Variants in CD163L1 observed in about 807,000 individuals in gnomAD.
CD163L1 encodes scavenger receptor cysteine-rich type 1 protein M160.
Under a neutral mutation model 165.4 loss-of-function variants are expected in CD163L1, and 124 were observed. That is an observed-to-expected ratio of 0.75 (90% confidence interval 0.65 to 0.87). The LOEUF is 0.87. CD163L1 is among the 40% of genes least tolerant of loss of function. CD163L1 has a pLI of 0.00. For missense variants in CD163L1, 1,525 were observed against 1,799.9 expected (o/e 0.85, Z 2.76); for synonymous variants, 585 against 662.2 (o/e 0.88, Z 1.79).
the CD163L1 span, chr12:7,327,232 G>T: frequency 8.8e-7 from 1 of 1,139,028 alleles, no homozygotes; most frequent in East Asian, 2.7e-5. Flanking sequence ...TTAACCCTAA[G>T]AATTTTGCTT....
At chr12:7,384,834 C>T (rs1008137619) in intron 8 of CD163L1, among the ~76,000 whole-genome samples, 1 of 151,688 alleles carries the variant, frequency 6.6e-6, no homozygotes, top group Non-Finnish European at 1.5e-5. Context: ...CATGAAAGCA[C>T]ATGAAAGTAT....
chr12:7,389,960 T>TTATATATA (rs59235889), intron 8 of CD163L1, among the ~76,000 whole-genome samples: 2,366 of 135,852 alleles, frequency 0.017, 30 homozygotes, highest in East Asian at 0.046. Context: ...ATATATATAT[T>TTATATATA]TATATATATA....
chr12:7,357,358 G>T, intron 19 of CD163L1, 22 bp downstream of exon 19: 1 of 1,502,452 alleles, frequency 6.7e-7, no homozygotes, highest in Non-Finnish European at 9.2e-7. Flanking sequence ...AGTTTTAGTA[G>T]GAACAATACT....
the CD163L1 span, chr12:7,324,523 G>T: frequency 9.9e-6 from 16 of 1,613,974 alleles, no homozygotes; most frequent in Non-Finnish European, 1.4e-5. Flanking sequence ...CATTTGAAGT[G>T]GAGAGTGCAC....
chr12:7,398,395 T>G lies in CD163L1; in HGVS notation c.1598A>C (p.Glu533Ala), dbSNP rs1484117266. ...ATCCAGCCAAATAGGTCCTGATGCT[T>G]CTTTAAAATAGGTCATACCAAACAC... is the stretch of plus-strand genomic sequence containing the variant. Reference protein sequence around the residue: ...LHVFGMTYFKEASGPIWLDDV... With the variant: ...LHVFGMTYFKAASGPIWLDDV... Residue 533 changes from glutamate to alanine, a missense_variant, in exon 7 of 20, where the codon GAA (glutamate) becomes GCA (alanine). Coordinates refer to ENST00000313599, the MANE Select transcript of CD163L1 (RefSeq NM_174941.6). This position sits in a 1 kb window ranked among gnomAD's most constrained non-coding sequence, Gnocchi z 4.5. 1 of 1,614,132 alleles carries G rather than the reference T, an allele frequency of 6.2e-7. No individual in the cohort carries two copies. Among genetic ancestry groups the G allele is most frequent in the Non-Finnish European group, 8.5e-7 (1 of 1,180,016 alleles).
At chr12:7,341,246 T>C in the CD163L1 span, among the ~76,000 whole-genome samples, 690 of 152,278 alleles carry the variant, frequency 4.5e-3, 3 homozygotes, top group Non-Finnish European at 7.1e-3. Flanking sequence ...CTGTTTGTTA[T>C]GTAAGATAAA....
chr12:7,328,142 T>C, the CD163L1 span: 1 of 553,434 alleles, frequency 1.8e-6, no homozygotes. Context: ...CAGACGTTTC[T>C]GGTGTCCATG....
At chr12:7,427,169 C>T (rs760861704) in intron 4 of CD163L1, among the ~76,000 whole-genome samples, 6 of 148,742 alleles carry the variant, frequency 4.0e-5, no homozygotes, top group East Asian at 2.0e-4. Flanking sequence ...AAGGAAATAG[C>T]GGACTTGAAC....
At chr12:7,391,486 C>T (rs906826174) in intron 8 of CD163L1, among the ~76,000 whole-genome samples, 12 of 152,178 alleles carry the variant, frequency 7.9e-5, no homozygotes, top group Admixed American at 4.6e-4. Flanking sequence ...AAAGGTTAGA[C>T]GAATGGCTAA....
the CD163L1 span, among the ~76,000 whole-genome samples, chr12:7,331,492 G>T: frequency 6.6e-6 from 1 of 152,202 alleles, no homozygotes; most frequent in East Asian, 1.9e-4. Context: ...CTCCTCAAGT[G>T]GGTCCCTGAC....
Position 7,367,195 on chromosome 12 carries a change from C to G in CD163L1, c.4279+41G>C, listed in dbSNP as rs1947041156. 5 of 1,260,176 alleles carry G rather than the reference C, an allele frequency of 4.0e-6. No individual in the cohort carries two copies. The Admixed American group carries it at 8.9e-5, about 22-fold the overall frequency. The allele number at this position is 1,260,176 out of a possible 1,614,324, so 78.1% of individuals were successfully genotyped here. Reference sequence around the variant, plus strand: ...ATATCAGCGGTATTTCCTCATATTCCCACCCTCTCCATGGAGTGCGGCCCC... The same window carrying G: ...ATATCAGCGGTATTTCCTCATATTCGCACCCTCTCCATGGAGTGCGGCCCC... On this transcript the variant is annotated intron_variant, in intron 18 of 19. Coordinates refer to ENST00000313599, the MANE Select transcript of CD163L1 (RefSeq NM_174941.6).
At chr12:7,327,211 T>G in the CD163L1 span, 1 of 1,245,900 alleles carries the variant, frequency 8.0e-7, no homozygotes, top group African/African-American at 1.5e-5. Flanking sequence ...AGAAGACACT[T>G]TTCAATTTGT....
chr12:7,323,497 A>T, the CD163L1 span: 1 of 1,613,934 alleles, frequency 6.2e-7, no homozygotes, highest in Admixed American at 1.7e-5. Flanking sequence ...CACCTGGCAA[A>T]GAAGGGGAAA....
At chr12:7,407,947 C>G (rs919233293) in intron 4 of CD163L1, among the ~76,000 whole-genome samples, 7 of 151,926 alleles carry the variant, frequency 4.6e-5, no homozygotes, top group Non-Finnish European at 1.0e-4. Flanking sequence ...GGTTTCACAC[C>G]CACAGATTCA....
chr12:7,427,244 T>C (rs184906372), intron 4 of CD163L1, among the ~76,000 whole-genome samples: 2 of 152,208 alleles, frequency 1.3e-5, no homozygotes, highest in Admixed American at 1.3e-4. Context: ...TAGCAGAATA[T>C]AGCTTCTTTT....
intron 8 of CD163L1, among the ~76,000 whole-genome samples, chr12:7,383,247 T>A (rs1409721525): frequency 1.3e-5 from 2 of 152,120 alleles, no homozygotes; most frequent in Non-Finnish European, 2.9e-5. Context: ...TCAGTAGCCT[T>A]GAGGACAGAC....
chr12:7,337,091 T>C, the CD163L1 span, among the ~76,000 whole-genome samples: 3 of 152,046 alleles, frequency 2.0e-5, no homozygotes, highest in East Asian at 5.8e-4. Flanking sequence ...TATTTAATAA[T>C]GATGTTGGGA....
Position 7,379,152 on chromosome 12 carries a change from A to G in CD163L1, c.2197T>C (p.Cys733Arg), listed in dbSNP as rs1947333018. 6 of 1,614,182 alleles carry G rather than the reference A, an allele frequency of 3.7e-6. No homozygotes were observed. The highest frequency in any genetic ancestry group is 1.1e-5 in the South Asian group (1 of 91,082). The change falls in exon 9 of 20, where the codon TGT becomes CGT. Residue 733 changes from cysteine to arginine, a missense_variant. By Grantham distance (180) the Cys-to-Arg change is radical. Coordinates refer to ENST00000313599, the MANE Select transcript of CD163L1 (RefSeq NM_174941.6). ...IAEVVCRQLE[C>R]GSAIRVSREP... ...CTGGAGACCCTGATTGCAGACCCAC[A>G]TTCAAGTTGCCTGCAAACAACTTCA...
the CD163L1 span, among the ~76,000 whole-genome samples, chr12:7,324,111 G>A: frequency 1.3e-5 from 2 of 151,738 alleles, no homozygotes; most frequent in South Asian, 2.1e-4. Flanking sequence ...CCAGGAGGTC[G>A]AGGCTGCAGG....
Sources: gnomAD v4.1 joint callset for allele counts (sites outside exome capture counted in the v4.1 genomes callset) on GRCh38, gnomAD v4.1.1 for gene constraint, Gnocchi (gnomAD v3.1) non-coding constraint, MANE v1.5 for transcripts, NCBI Gene and HGNC (gene_info 2026-07-23, HGNC 2026-07-21) for gene names.